The following AFDN variants were observed in gnomAD, a reference collection of about 807,000 sequenced individuals.
The protein encoded by AFDN is afadin.
AFDN carries 68 observed loss-of-function variants against 216.6 expected under a neutral mutation model. The observed-to-expected ratio is 0.31, with a 90% confidence interval of 0.26 to 0.38. The LOEUF is 0.38. AFDN is among the 10% of genes least tolerant of loss of function. AFDN has a pLI of 1.00. For synonymous variants in AFDN, 868 were observed against 853.7 expected (o/e 1.02, Z -0.29); for missense variants, 2,136 against 2,342.0 (o/e 0.91, Z 1.82).
chr6:167,862,092 T>G (rs1209399618), intron 1 of AFDN, among the ~76,000 whole-genome samples: 2 of 152,222 alleles, frequency 1.3e-5, no homozygotes, highest in African/African-American at 4.8e-5. Context: ...TGATAAAATC[T>G]TAAATTTATA....
intron 23 of AFDN, among the ~76,000 whole-genome samples, chr6:167,928,111 A>G (rs1792805678): frequency 6.6e-6 from 1 of 152,226 alleles, no homozygotes; most frequent in Admixed American, 6.5e-5. Flanking sequence ...TGCAGTACAA[A>G]ACTATTTGTT....
At chr6:167,941,873 T>C (rs1794729706) in intron 23 of AFDN, among the ~76,000 whole-genome samples, 2 of 152,168 alleles carry the variant, frequency 1.3e-5, no homozygotes, top group Admixed American at 6.5e-5. Flanking sequence ...CAAAGGAGAA[T>C]ACTTGATTTT....
At chr6:167,843,829 T>C (rs554921022) in intron 1 of AFDN, among the ~76,000 whole-genome samples, 1 of 152,210 alleles carries the variant, frequency 6.6e-6, no homozygotes, top group African/African-American at 2.4e-5. Context: ...TACTATAATC[T>C]GCTCATATAA....
chr6:167,899,115 T>C (rs1195228712), intron 11 of AFDN, among the ~76,000 whole-genome samples: 3 of 152,322 alleles, frequency 2.0e-5, no homozygotes, highest in East Asian at 3.9e-4. Context: ...TGAACCCGCG[T>C]GGTCTTCCCT....
Position 167,873,813 on chromosome 6 carries a change from T to C in AFDN, c.578+1436T>C, listed in dbSNP as rs560556411. Among the ~76,000 whole-genome samples, 4 of 152,372 alleles carry C rather than the reference T, an allele frequency of 2.6e-5. No individual in the cohort carries two copies. In the East Asian group the frequency reaches 7.7e-4, roughly 29 times the overall value. On this transcript the variant is annotated intron_variant, in intron 4 of 33. Transcript: ENST00000683244. ...TGTATTCTTTTGTTGGAGTGGCCTGTCCAAGGCTTTTTCCCATTTTAAAAT... is the reference window on the plus strand; with the variant it reads ...TGTATTCTTTTGTTGGAGTGGCCTGCCCAAGGCTTTTTCCCATTTTAAAAT...
At chr6:167,943,561 T>TAA (rs1794937537) in intron 25 of AFDN, 86 bp downstream of exon 25, 1 of 1,104,536 alleles carries the variant, frequency 9.1e-7, no homozygotes, top group Admixed American at 1.7e-5. Flanking sequence ...AGATAAAAAC[T>TAA]ATGCTAAAAC....
intron 5 of AFDN, among the ~76,000 whole-genome samples, chr6:167,879,795 C>T (rs1167029797): frequency 6.6e-6 from 1 of 152,178 alleles, no homozygotes; most frequent in Non-Finnish European, 1.5e-5. Context: ...TAGAACTCTG[C>T]TCTGTTGGCA....
intron 23 of AFDN, among the ~76,000 whole-genome samples, chr6:167,925,301 A>C (rs1001838809): frequency 1.3e-5 from 2 of 152,224 alleles, no homozygotes; most frequent in Admixed American, 1.3e-4. Flanking sequence ...TCCTACTCTG[A>C]GAATGTAGCT....
intron 15 of AFDN, 139 bp from the exon 16 acceptor site, chr6:167,913,259 GTTATT>G (rs1313404627): frequency 1.4e-5 from 11 of 802,620 alleles, no homozygotes; most frequent in Non-Finnish European, 2.0e-5. Flanking sequence ...AAATGAAAAT[GTTATT>G]TTGGGAATAA....
In AFDN at chr6:167,946,612, T is replaced by C. The variant is rs190950684; in HGVS notation, c.3359-95T>C. 6.2e-6 allele frequency: 7 copies of C among 1,128,374 alleles called. No individual in the cohort carries two copies. The East Asian group carries it at 1.7e-4, about 28-fold the overall frequency. The allele number at this position is 1,128,374 out of a possible 1,614,324, so 69.9% of individuals were successfully genotyped here. On this transcript the variant is annotated intron_variant, in intron 26 of 33. Transcript: ENST00000683244. ...GGAAGAATTGACCTTTATCACCTTA[T>C]TTCTTATGCTAAGAACAATTCTTAT...
intron 1 of AFDN, among the ~76,000 whole-genome samples, chr6:167,838,187 A>G (rs973420251): frequency 6.6e-6 from 1 of 152,222 alleles, no homozygotes; most frequent in Non-Finnish European, 1.5e-5. Context: ...AGAAGTCTTC[A>G]TAGCTTCACT....
intron 5 of AFDN, 81 bp downstream of exon 5, chr6:167,875,576 TTAAC>T (rs1238528478): frequency 7.0e-7 from 1 of 1,438,598 alleles, no homozygotes; most frequent in Non-Finnish European, 9.5e-7. Flanking sequence ...GAGACTTGCT[TTAAC>T]TAAAGCAATG....
At chr6:167,897,975 A>G (rs1324537337) in intron 10 of AFDN, among the ~76,000 whole-genome samples, 2 of 152,126 alleles carry the variant, frequency 1.3e-5, no homozygotes, top group East Asian at 3.9e-4. Context: ...AAGTTACAGT[A>G]TGCCTTAAGT....
At chr6:167,880,156 G>A (rs1292945319) in intron 5 of AFDN, among the ~76,000 whole-genome samples, 1 of 152,024 alleles carries the variant, frequency 6.6e-6, no homozygotes, top group Non-Finnish European at 1.5e-5. Context: ...ATTGTTCATG[G>A]TTTCTAAGTG....
intron 32 of AFDN, among the ~76,000 whole-genome samples, chr6:167,966,539 CCTT>C (rs1797583844): frequency 6.6e-6 from 1 of 152,216 alleles, no homozygotes; most frequent in African/African-American, 2.4e-5. Context: ...GACAATCAGT[CCTT>C]CTCTGTTGTT....
intron 1 of AFDN, among the ~76,000 whole-genome samples, chr6:167,849,300 T>C (rs1475326150): frequency 6.6e-6 from 1 of 152,076 alleles, no homozygotes; most frequent in African/African-American, 2.4e-5. Context: ...CTTTGTATCA[T>C]GTAATGTAAC....
chr6:167,964,227 A>G, intron 31 of AFDN: 2 of 1,063,338 alleles, frequency 1.9e-6, no homozygotes, highest in Non-Finnish European at 2.3e-6. Flanking sequence ...TCCAAAACTC[A>G]TGGGTTTGCT....
chr6:167,954,432 T>C (rs1271834166), intron 30 of AFDN: 40 of 1,568,406 alleles, frequency 2.6e-5, no homozygotes, highest in Non-Finnish European at 3.4e-5. Flanking sequence ...TCTTTCTTTT[T>C]TTTTTTCTTT....
intron 1 of AFDN, among the ~76,000 whole-genome samples, chr6:167,831,897 AGT>A (rs1779869904): frequency 6.6e-6 from 1 of 152,258 alleles, no homozygotes; most frequent in African/African-American, 2.4e-5. Context: ...AATGTCAGAC[AGT>A]GTGTACTAAT....
Sources: gnomAD v4.1 joint callset for allele counts (sites outside exome capture counted in the v4.1 genomes callset) on GRCh38, gnomAD v4.1.1 for gene constraint, MANE v1.5 for transcripts, NCBI Gene and HGNC (gene_info 2026-07-23, HGNC 2026-07-21) for gene names.